The following SPTAN1 variants were observed in gnomAD, a reference collection of about 807,000 sequenced individuals.
SPTAN1 encodes the protein spectrin alpha, non-erythrocytic 1.
Under a neutral mutation model 331.3 loss-of-function variants are expected in SPTAN1, and 61 were observed. The ratio of observed to expected loss-of-function variants is 0.18; its 90% CI spans 0.15 to 0.23. SPTAN1 has a LOEUF of 0.23. Ranked by LOEUF, SPTAN1 falls within the 10% of genes least tolerant of loss-of-function variation. The probability of loss-of-function intolerance (pLI) is 1.00; values close to 1 mark genes in which losing one functional copy is unlikely to be tolerated. For synonymous variants in SPTAN1, 1,153 were observed against 1,173.9 expected, an observed-to-expected ratio of 0.98 and a Z score of 0.36; for missense variants, 2,043 against 3,147.9, an observed-to-expected ratio of 0.65 and a Z score of 8.40.
rs770533632 is a variant in SPTAN1, at chr9:128,609,117, T to A, written c.4596-5T>A. 1.2e-6 allele frequency: 2 copies of A among 1,614,228 alleles called. No homozygotes were observed. The highest frequency in any genetic ancestry group is 2.2e-5 in the South Asian group (2 of 91,084). ...ATGTTGGATCTCATGGTTTCACTCT[T>A]TCAGGTGGCGACGTCTGAAAGCCCA... On this transcript the variant is annotated splice_polypyrimidine_tract_variant and splice_region_variant and intron_variant, in intron 35 of 56. Coordinates refer to ENST00000372739, the MANE Select transcript of SPTAN1 (RefSeq NM_001130438.3).
intron 19 of SPTAN1, among the ~76,000 whole-genome samples, chr9:128,586,546 CAT>C (rs1852660747): frequency 6.6e-6 from 1 of 152,044 alleles, no homozygotes; most frequent in Non-Finnish European, 1.5e-5. Context: ...TATGTGAAAC[CAT>C]ATGTGTGCTT....
intron 1 of SPTAN1, among the ~76,000 whole-genome samples, chr9:128,564,617 T>C (rs1215739181): frequency 1.3e-5 from 2 of 151,830 alleles, no homozygotes; most frequent in African/African-American, 4.8e-5. Flanking sequence ...TATACAAATA[T>C]TAGGTTGCTC....
At chr9:128,622,580 T>C (rs145196379) in intron 45 of SPTAN1, among the ~76,000 whole-genome samples, 3,376 of 151,990 alleles carry the variant, frequency 0.022, 134 homozygotes, top group African/African-American at 0.077. Flanking sequence ...ATTACAGGCA[T>C]GAGCCACCAC....
intron 10 of SPTAN1, among the ~76,000 whole-genome samples, chr9:128,580,065 C>T (rs917447177): frequency 6.6e-6 from 1 of 152,008 alleles, no homozygotes; most frequent in Non-Finnish European, 1.5e-5. Flanking sequence ...GTGACCCCAG[C>T]ACTTTCAGAG....
rs7864187 is a variant in SPTAN1, at chr9:128,617,946, A to C, written c.5479-41A>C. Reference sequence around the variant, plus strand: ...GGGAGCTTCGAGACAGAAGCACCAGAAGAGCTACCTGCTGTTAACCTCCTC... The same window carrying C: ...GGGAGCTTCGAGACAGAAGCACCAGCAGAGCTACCTGCTGTTAACCTCCTC... On this transcript the variant is annotated intron_variant, in intron 42 of 56. Transcript: ENST00000372739. 0.14 allele frequency: 226,838 copies of C among 1,613,750 alleles called. 23,201 individuals are homozygous for C. Among genetic ancestry groups the C allele is most frequent in the East Asian group, 0.45 (20,349 of 44,848 alleles).
At chr9:128,574,369 AAG>A in intron 3 of SPTAN1, among the ~76,000 whole-genome samples, 1 of 148,342 alleles carries the variant, frequency 6.7e-6, no homozygotes, top group Non-Finnish European at 1.5e-5. Context: ...ATGAAATATA[AAG>A]ATATTATTAA....
rs566191396 is a variant in SPTAN1 at position 128,611,465 on chromosome 9, G to A, written c.4774-249G>A. On this transcript the variant is annotated intron_variant, in intron 37 of 56. Transcript: ENST00000372739. ...AGCCTGGGCAACTGAGCAAGACCCT[G>A]TCTCAAAAAAAAGGACTTCCAGTTC... 5.8e-4 allele frequency: 270 copies of A among 461,906 alleles called. 2 individuals carry two copies. The highest frequency in any genetic ancestry group is 4.9e-3 in the African/African-American group (248 of 50,320). The allele number at this position is 461,906 out of a possible 1,614,324, so 28.6% of individuals were successfully genotyped here.
chr9:128,598,283 T>G (rs1854589393), intron 24 of SPTAN1, 117 bp from the exon 25 acceptor site: 3 of 750,310 alleles, frequency 4.0e-6, no homozygotes, highest in Admixed American at 2.5e-5. Flanking sequence ...CCTTTTTTTT[T>G]TTTGGTAGGC....
chr9:128,630,462 G>A lies in SPTAN1; in HGVS notation c.6762+87G>A, dbSNP rs1859523918. On this transcript the variant is annotated intron_variant, in intron 52 of 56. Transcript: ENST00000372739. ...CCCTTCCCTTCCTGGCTTAAAGTCAGGAACCAGATGTGCTATTATTGTACC... is the reference window on the plus strand; with the variant it reads ...CCCTTCCCTTCCTGGCTTAAAGTCAAGAACCAGATGTGCTATTATTGTACC... The A allele has an allele frequency of 1.7e-5, 22 of 1,315,570 alleles. No individual in the cohort carries two copies. The East Asian group carries it at 5.1e-4, about 30-fold the overall frequency. 81.5% of individuals were successfully genotyped at this position (1,315,570 alleles called of 1,614,324 possible). A position where few individuals can be genotyped will look rare whatever the true frequency, so the allele number is the denominator to read the frequency against.
intron 22 of SPTAN1, among the ~76,000 whole-genome samples, chr9:128,591,829 C>T (rs1853575827): frequency 6.6e-6 from 1 of 152,006 alleles, no homozygotes; most frequent in Non-Finnish European, 1.5e-5. Flanking sequence ...GTTTTTTTTC[C>T]ACCAGTGTTC....
At chr9:128,584,909 C>T in intron 18 of SPTAN1, 66 bp downstream of exon 18, 1 of 1,604,130 alleles carries the variant, frequency 6.2e-7, no homozygotes, top group Admixed American at 1.7e-5. Flanking sequence ...TTGCCGAGGG[C>T]ATGGCCACGT....
At chr9:128,621,697 G>T (rs150522117) in intron 45 of SPTAN1, 2 of 267,204 alleles carry the variant, frequency 7.5e-6, no homozygotes, top group Non-Finnish European at 1.5e-5. Flanking sequence ...TCAAACAGCC[G>T]CAGACTCCCG....
At chr9:128,562,353 G>A (rs958205109) in intron 1 of SPTAN1, among the ~76,000 whole-genome samples, 2 of 152,060 alleles carry the variant, frequency 1.3e-5, no homozygotes, top group Admixed American at 6.5e-5. Flanking sequence ...CACCTGCCTC[G>A]GCTTCCCAAA....
chr9:128,580,631 C>G (rs1851832385), intron 10 of SPTAN1, among the ~76,000 whole-genome samples: 1 of 152,112 alleles, frequency 6.6e-6, no homozygotes, highest in Non-Finnish European at 1.5e-5. Flanking sequence ...TATACTGCCT[C>G]ACTTTTAAAT....
At chr9:128,584,145 T>C in intron 16 of SPTAN1, 137 bp from the exon 17 acceptor site, 1 of 1,486,914 alleles carries the variant, frequency 6.7e-7, no homozygotes, top group Non-Finnish European at 9.2e-7. Context: ...CTTAGAGCTT[T>C]CTAGGAGCCC....
At chr9:128,593,303 T>A (rs1853783963) in intron 23 of SPTAN1, 1 of 551,204 alleles carries the variant, frequency 1.8e-6, no homozygotes, top group Admixed American at 2.6e-5. Context: ...TGTTGGTTTT[T>A]GTGGTGGACC....
intron 32 of SPTAN1, 38 bp from the exon 33 acceptor site, chr9:128,607,814 T>C (rs747710094): frequency 1.2e-6 from 2 of 1,613,188 alleles, no homozygotes; most frequent in East Asian, 4.5e-5. Flanking sequence ...AGTGGGCATC[T>C]GCTGCCAGTT....
At chr9:128,615,550 G>A in intron 40 of SPTAN1, 82 bp from the exon 41 acceptor site, 2 of 1,460,266 alleles carry the variant, frequency 1.4e-6, no homozygotes, top group Non-Finnish European at 1.9e-6. Flanking sequence ...CCACATCTCA[G>A]TAAGGAATTC....
At chr9:128,591,104 C>T (rs1853440395) in intron 21 of SPTAN1, among the ~76,000 whole-genome samples, 1 of 151,714 alleles carries the variant, frequency 6.6e-6, no homozygotes, top group South Asian at 2.1e-4. Flanking sequence ...CTCTGACGCC[C>T]AGGCTGGAGT....
Sources: gnomAD v4.1 joint callset for allele counts (sites outside exome capture counted in the v4.1 genomes callset) on GRCh38, gnomAD v4.1.1 for gene constraint, MANE v1.5 for transcripts, NCBI Gene and HGNC (gene_info 2026-07-23, HGNC 2026-07-21) for gene names.